The following PDE4B variants were observed in gnomAD, a reference collection of about 807,000 sequenced individuals.
PDE4B encodes phosphodiesterase 4B.
PDE4B carries 20 observed loss-of-function variants against 82.2 expected under a neutral mutation model. That is an observed-to-expected ratio of 0.24 (90% CI 0.17 to 0.35). The LOEUF (loss-of-function observed/expected upper bound fraction) is 0.35. PDE4B is among the 10% of genes least tolerant of loss of function. PDE4B has a pLI of 1.00. For synonymous variants in PDE4B, 320 were observed against 318.9 expected (o/e 1.00, Z -0.04); for missense variants, 655 against 907.2 (o/e 0.72, Z 3.57).
chr1:65,934,506 A>G (rs775828066), intron 3 of PDE4B, among the ~76,000 whole-genome samples: 3 of 152,222 alleles, frequency 2.0e-5, no homozygotes, highest in Non-Finnish European at 4.4e-5. Context: ...ACAACAATGA[A>G]CAAAATGGCA....
chr1:65,931,505 G>C (rs536119677), intron 3 of PDE4B, among the ~76,000 whole-genome samples: 1 of 152,266 alleles, frequency 6.6e-6, no homozygotes, highest in South Asian at 2.1e-4. Context: ...TCAGTATACA[G>C]AGTTAACATA....
chr1:66,176,784 C>T (rs1455091318), intron 3 of PDE4B, among the ~76,000 whole-genome samples: 2 of 152,094 alleles, frequency 1.3e-5, no homozygotes, highest in African/African-American at 4.8e-5. Flanking sequence ...TGCAAAGAAA[C>T]ATCCTAATCA....
chr1:66,105,231 T>G (rs980595951), intron 3 of PDE4B, among the ~76,000 whole-genome samples: 1 of 146,074 alleles, frequency 6.8e-6, no homozygotes, highest in African/African-American at 2.5e-5. Flanking sequence ...GTCATGTTTG[T>G]CAAAGATCAG....
chr1:65,804,875 A>T (rs1645736285), intron 1 of PDE4B, among the ~76,000 whole-genome samples: 1 of 149,136 alleles, frequency 6.7e-6, no homozygotes, highest in South Asian at 2.1e-4. Flanking sequence ...GCTTATTTTT[A>T]AAAATTCCTT....
At chr1:66,281,278 C>A (rs912575483) in intron 7 of PDE4B, among the ~76,000 whole-genome samples, 5 of 152,204 alleles carry the variant, frequency 3.3e-5, no homozygotes, top group African/African-American at 1.2e-4. Flanking sequence ...GGAGGGGATT[C>A]CATCTAATCT....
chr1:65,823,763 C>G (rs1645983188), intron 1 of PDE4B, among the ~76,000 whole-genome samples: 1 of 152,038 alleles, frequency 6.6e-6, no homozygotes, highest in Non-Finnish European at 1.5e-5. Flanking sequence ...TCTAATGTTG[C>G]TTCCCTCTAG....
At chr1:66,196,651 C>T (rs890410202) in intron 3 of PDE4B, among the ~76,000 whole-genome samples, 1 of 152,208 alleles carries the variant, frequency 6.6e-6, no homozygotes, top group East Asian at 1.9e-4. Context: ...GAGTTCATGT[C>T]CTTTGTAGGG....
chr1:66,058,184 C>T (rs1655401260), intron 3 of PDE4B, among the ~76,000 whole-genome samples: 1 of 152,220 alleles, frequency 6.6e-6, no homozygotes, highest in Non-Finnish European at 1.5e-5. Flanking sequence ...CCCAAATGAT[C>T]TCCTTTGACT....
At chr1:66,134,966 G>A (rs879708080) in intron 3 of PDE4B, among the ~76,000 whole-genome samples, 7 of 152,306 alleles carry the variant, frequency 4.6e-5, no homozygotes, top group Admixed American at 2.6e-4. Context: ...TTACATAGTC[G>A]TACAAAAGGA....
chr1:66,073,213 G>A (rs552713389), intron 3 of PDE4B, among the ~76,000 whole-genome samples: 3 of 152,178 alleles, frequency 2.0e-5, no homozygotes, highest in African/African-American at 7.2e-5. Context: ...GCACATCTAC[G>A]CACCTTTCTT....
At chr1:66,023,564 TATAG>T (rs2100775311) in intron 3 of PDE4B, among the ~76,000 whole-genome samples, 1 of 152,278 alleles carries the variant, frequency 6.6e-6, no homozygotes, top group African/African-American at 2.4e-5. Flanking sequence ...TAGCAGGCCC[TATAG>T]TAATGAAAGC....
At chr1:66,001,911 T>C (rs1349659244) in intron 3 of PDE4B, among the ~76,000 whole-genome samples, 1 of 151,910 alleles carries the variant, frequency 6.6e-6, no homozygotes, top group Non-Finnish European at 1.5e-5. Flanking sequence ...TTTGTAGAGA[T>C]AGGTTTTCAC....
At chr1:65,884,732 T>C (rs1646752141) in intron 1 of PDE4B, among the ~76,000 whole-genome samples, 1 of 152,228 alleles carries the variant, frequency 6.6e-6, no homozygotes, top group Non-Finnish European at 1.5e-5. Flanking sequence ...AAGACTTGAA[T>C]GTTAGACCTA....
At position 65,805,191 on chromosome 1, in the gene PDE4B, C is replaced by T. The variant is rs1047500765; in HGVS notation, c.-71+11943C>T. On this transcript the variant is annotated intron_variant, in intron 1 of 16. Coordinates refer to ENST00000341517, the MANE Select transcript of PDE4B (RefSeq NM_002600.4). ...TGTTGGCCAGGCTGGTCTCGAACTC[C>T]TGAACTCAGGTGATCTACCCACCTT... Among the ~76,000 whole-genome samples the T allele has an allele frequency of 4.6e-5, 7 of 152,176 alleles. 1 individual carries two copies. The highest frequency in any genetic ancestry group is 2.4e-5 in the African/African-American group (1 of 41,440).
At chr1:65,920,955 A>ATTT (rs1569685150) in intron 3 of PDE4B, among the ~76,000 whole-genome samples, 8 of 100,408 alleles carry the variant, frequency 8.0e-5, no homozygotes, top group African/African-American at 1.5e-4. Context: ...AACTAAAAGC[A>ATTT]TTTCTTTTTT....
chr1:66,084,678 G>A (rs1424867812), intron 3 of PDE4B, among the ~76,000 whole-genome samples: 1 of 152,106 alleles, frequency 6.6e-6, no homozygotes, highest in African/African-American at 2.4e-5. Context: ...CTCAGGTGTG[G>A]AAGTGAGGAT....
intron 4 of PDE4B, among the ~76,000 whole-genome samples, chr1:66,254,246 G>A (rs571118774): frequency 3.2e-4 from 48 of 152,072 alleles, no homozygotes; most frequent in Non-Finnish European, 6.3e-4. Flanking sequence ...AAGAAGAAAA[G>A]CAAGAAAGCA....
chr1:66,265,801 C>T (rs1654990185), intron 6 of PDE4B, among the ~76,000 whole-genome samples: 1 of 152,180 alleles, frequency 6.6e-6, no homozygotes, highest in East Asian at 1.9e-4. Flanking sequence ...AACTTCCTTC[C>T]TGGAGAGTCT....
chr1:66,005,239 G>A lies in PDE4B; in HGVS notation c.281+86404G>A, dbSNP rs181502873. The stretch of plus-strand genomic sequence containing the variant: ...CATGTAAGTGAGAGACTGGAGACAG[G>A]AGACAGACTAAGTGGTACCTTAAGA... On this transcript the variant is annotated intron_variant, in intron 3 of 16. Coordinates refer to ENST00000341517, the MANE Select transcript of PDE4B (RefSeq NM_002600.4). Among the ~76,000 whole-genome samples, 38 of 152,132 alleles carry A rather than the reference G, an allele frequency of 2.5e-4. No individual in the cohort carries two copies. The East Asian group carries it at 6.0e-3, about 24-fold the overall frequency.
Sources: allele counts gnomAD v4.1 joint callset (sites outside exome capture counted in the v4.1 genomes callset), GRCh38; gene constraint gnomAD v4.1.1; transcripts MANE v1.5; gene names NCBI Gene and HGNC (gene_info 2026-07-23, HGNC 2026-07-21).